PRKCE: variants seen among roughly 807,000 people sequenced by gnomAD.
PRKCE encodes the protein protein kinase C epsilon, also known as protein kinase C epsilon type.
A neutral mutation model predicts 85.4 loss-of-function variants in PRKCE; 16 were observed. The ratio of observed to expected loss-of-function variants is 0.19; its 90% CI spans 0.13 to 0.28. PRKCE has a LOEUF of 0.28. Among genes scored for constraint, PRKCE ranks in the 10% least tolerant of loss-of-function variants. PRKCE has a pLI of 1.00. For missense variants in PRKCE, 573 were observed against 975.2 expected (o/e 0.59, Z 5.49); for synonymous variants, 388 against 371.5 (o/e 1.04, Z -0.51).
chr2:45,741,426 A>C (rs749832696), intron 1 of PRKCE, among the ~76,000 whole-genome samples: 4 of 151,526 alleles, frequency 2.6e-5, no homozygotes, highest in Admixed American at 6.6e-5. Context: ...TCTTGGGCCG[A>C]CTGGGGACAA....
chr2:45,938,548 A>C (rs1699645072), intron 2 of PRKCE, among the ~76,000 whole-genome samples: 2 of 152,074 alleles, frequency 1.3e-5, no homozygotes, highest in African/African-American at 4.8e-5. Flanking sequence ...CCACCCCTCA[A>C]ACCCCCATCA....
chr2:45,734,794 G>A (rs371107350), intron 1 of PRKCE, among the ~76,000 whole-genome samples: 1 of 152,298 alleles, frequency 6.6e-6, no homozygotes, highest in East Asian at 1.9e-4. Context: ...TCCTCCCCAG[G>A]ACTATTGCCT....
intron 1 of PRKCE, among the ~76,000 whole-genome samples, chr2:45,730,698 T>TCA (rs1558606493): frequency 6.6e-6 from 1 of 151,862 alleles, no homozygotes; most frequent in Admixed American, 6.6e-5. Flanking sequence ...GGCCTTAAGC[T>TCA]ATCTACCCGC....
At chr2:46,007,700 T>C (rs772377092) in intron 9 of PRKCE, 39 bp downstream of exon 9, 1 of 1,576,506 alleles carries the variant, frequency 6.3e-7, no homozygotes, top group South Asian at 1.1e-5. Flanking sequence ...GGTTTTGTTC[T>C]ACTCCTTAGC....
At chr2:46,055,701 C>T (rs116108772) in intron 10 of PRKCE, among the ~76,000 whole-genome samples, 208 of 152,090 alleles carry the variant, frequency 1.4e-3, no homozygotes, top group African/African-American at 4.9e-3. Flanking sequence ...GCTCTGTTGC[C>T]CTGTTGGCTG....
intron 10 of PRKCE, among the ~76,000 whole-genome samples, chr2:46,080,349 C>T (rs113952957): frequency 1.1e-3 from 174 of 152,212 alleles, no homozygotes; most frequent in African/African-American, 4.0e-3. Context: ...AAGAGTTGAT[C>T]GTGCTTTGGG....
chr2:46,141,796 C>T (rs1277831151), intron 11 of PRKCE, among the ~76,000 whole-genome samples: 1 of 152,174 alleles, frequency 6.6e-6, no homozygotes, highest in East Asian at 1.9e-4. Flanking sequence ...GCAGTTGTCC[C>T]TCTTTGCAAA....
intron 1 of PRKCE, among the ~76,000 whole-genome samples, chr2:45,755,165 C>G (rs1490651952): frequency 1.3e-5 from 2 of 152,196 alleles, no homozygotes; most frequent in African/African-American, 4.8e-5. Context: ...CCTTGCACCT[C>G]TTTTGTGGCC....
At chr2:46,122,351 C>G (rs1673395781) in intron 11 of PRKCE, among the ~76,000 whole-genome samples, 4 of 152,138 alleles carry the variant, frequency 2.6e-5, no homozygotes, top group African/African-American at 9.7e-5. Context: ...CCTGCTCAGC[C>G]TCCTGAGAAG....
chr2:45,937,324 G>T (rs1427942080), intron 2 of PRKCE, among the ~76,000 whole-genome samples: 2 of 152,214 alleles, frequency 1.3e-5, no homozygotes, highest in African/African-American at 4.8e-5. Flanking sequence ...AGGACTCCCT[G>T]TGTCTCCTTC....
chr2:45,684,602 C>G (rs954482318), intron 1 of PRKCE, among the ~76,000 whole-genome samples: 3 of 152,106 alleles, frequency 2.0e-5, no homozygotes, highest in Admixed American at 6.5e-5. Flanking sequence ...TTTTACAACC[C>G]CCTAGTGGCA....
chr2:46,119,503 C>G (rs1416692155), intron 11 of PRKCE, among the ~76,000 whole-genome samples: 1 of 152,090 alleles, frequency 6.6e-6, no homozygotes, highest in Non-Finnish European at 1.5e-5. Flanking sequence ...TTTATTGGCC[C>G]TAAGGGCTTG....
intron 2 of PRKCE, among the ~76,000 whole-genome samples, chr2:45,948,506 G>C (rs1457524880): frequency 6.6e-6 from 1 of 152,318 alleles, no homozygotes; most frequent in Non-Finnish European, 1.5e-5. Flanking sequence ...TGGCATGGTG[G>C]TGTATGCCTG....
chr2:46,011,433 T>C (rs747939927), intron 10 of PRKCE, among the ~76,000 whole-genome samples: 1 of 152,230 alleles, frequency 6.6e-6, no homozygotes, highest in Non-Finnish European at 1.5e-5. Context: ...TTTTCTTTTA[T>C]TATATTTCAT....
In PRKCE at chr2:46,123,214, CTTTTTTTTTTTTTTTTT is replaced by C. The variant is rs70937991; in HGVS notation, c.1593-21866_1593-21850del. ...AAGCTTTACAAAGGAAAACACTTGC[CTTTTTTTTTTTTTTTTT>C]TTTTTTTTTTTTGGTCTACACACAG... is the stretch of plus-strand genomic sequence containing the variant. On this transcript the variant is annotated intron_variant, in intron 11 of 14. Transcript: ENST00000306156. Among the ~76,000 whole-genome samples, 3 of 27,370 alleles carry C rather than the reference CTTTTTTTTTTTTTTTTT, an allele frequency of 1.1e-4. No individual in the cohort carries two copies. In the South Asian group the frequency reaches 8.3e-3, roughly 76 times the overall value. The allele number at this position is 27,370 out of a possible 152,430, so 18.0% of individuals were successfully genotyped here.
chr2:46,095,701 C>T (rs954619743), intron 11 of PRKCE, among the ~76,000 whole-genome samples: 1 of 152,184 alleles, frequency 6.6e-6, no homozygotes, highest in Admixed American at 6.5e-5. Flanking sequence ...TACCACTCAT[C>T]CGTTTACTTT....
intron 2 of PRKCE, among the ~76,000 whole-genome samples, chr2:45,872,672 A>C (rs1694184633): frequency 6.6e-6 from 1 of 152,184 alleles, no homozygotes. Flanking sequence ...CCAGAAGTGG[A>C]TTGGAGATAG....
intron 1 of PRKCE, among the ~76,000 whole-genome samples, chr2:45,772,208 G>C (rs971931205): frequency 6.6e-6 from 1 of 151,804 alleles, no homozygotes; most frequent in African/African-American, 2.4e-5. Flanking sequence ...GGGAGACTAA[G>C]GTAGAAGGAT....
At chr2:45,964,379 T>C (rs1429161523) in intron 2 of PRKCE, among the ~76,000 whole-genome samples, 1 of 152,222 alleles carries the variant, frequency 6.6e-6, no homozygotes, top group African/African-American at 2.4e-5. Flanking sequence ...CTCAGTTTCC[T>C]GTGATTCATC....
Sources: allele counts gnomAD v4.1 joint callset (sites outside exome capture counted in the v4.1 genomes callset), GRCh38; gene constraint gnomAD v4.1.1; transcripts MANE v1.5; gene names NCBI Gene and HGNC (gene_info 2026-07-23, HGNC 2026-07-21).